Variants in SLC35G2 observed in about 807,000 individuals in gnomAD.
SLC35G2 encodes solute carrier family 35 member G2.
A neutral mutation model predicts 27.2 loss-of-function variants in SLC35G2; 20 were observed. That is an observed-to-expected ratio of 0.74 (90% CI 0.52 to 1.07). The LOEUF is 1.07. Ranked by LOEUF, SLC35G2 falls within the 50% of genes least tolerant of loss-of-function variation. The pLI, the probability that SLC35G2 is intolerant of heterozygous loss-of-function variation, is 0.00. For synonymous variants in SLC35G2, 148 were observed against 165.3 expected (o/e 0.90, Z 0.80); for missense variants, 416 against 493.3 (o/e 0.84, Z 1.48).
intron 1 of SLC35G2, among the ~76,000 whole-genome samples, chr3:136,840,516 TCCTCTCTCTCTCCCTCCCTC>T (rs1560014483): frequency 7.0e-6 from 1 of 143,408 alleles, no homozygotes; most frequent in Non-Finnish European, 1.5e-5. Flanking sequence ...CTCCCTCCCT[TCCTCTCTCTCTCCCTCCCTC>T]CCTCTCTCCC....
chr3:136,844,568 GCTGA>G (rs1425804934), intron 1 of SLC35G2, among the ~76,000 whole-genome samples: 1 of 151,624 alleles, frequency 6.6e-6, no homozygotes, highest in Non-Finnish European at 1.5e-5. Flanking sequence ...GGAGGCCCAG[GCTGA>G]CTGATTGCAT....
chr3:136,824,893 T>C (rs1241890332), intron 1 of SLC35G2, among the ~76,000 whole-genome samples: 1 of 152,140 alleles, frequency 6.6e-6, no homozygotes, highest in Non-Finnish European at 1.5e-5. Context: ...ATGTTATCCC[T>C]ACCCCAGCCC....
intron 1 of SLC35G2, chr3:136,837,878 C>T (rs973417793): frequency 6.7e-6 from 1 of 148,454 alleles, no homozygotes; most frequent in Non-Finnish European, 1.5e-5. Flanking sequence ...CTTGCTCTGT[C>T]ACCCAGGGCG....
intron 1 of SLC35G2, among the ~76,000 whole-genome samples, chr3:136,829,203 C>CA (rs1936662080): frequency 6.6e-6 from 1 of 151,868 alleles, no homozygotes; most frequent in Non-Finnish European, 1.5e-5. Flanking sequence ...TTACTATCAC[C>CA]AGTGAGTTTT....
Position 136,854,586 on chromosome 3 carries a change from T to C in SLC35G2, c.126T>C (p.Asn42=), listed in dbSNP as rs765031022. ...GCGATGATGGATATGAAGAAATCAATGAAGGCTATGGAAATTTTATGGAGG... is the reference window on the plus strand; with the variant it reads ...GCGATGATGGATATGAAGAAATCAACGAAGGCTATGGAAATTTTATGGAGG... ...QPGDDGYEEI[N]EGYGNFMEEN... is the part of the protein sequence containing the mutation. The change falls in exon 2 of 2, where the codon AAT becomes AAC. Residue 42 remains asparagine, a synonymous_variant. Transcript: ENST00000446465. 2 of 1,613,020 alleles carry C rather than the reference T, an allele frequency of 1.2e-6. No homozygotes were observed. Among genetic ancestry groups the C allele is most frequent in the South Asian group, 2.2e-5 (2 of 90,720 alleles).
chr3:136,840,063 C>T (rs1937021544), intron 1 of SLC35G2, among the ~76,000 whole-genome samples: 1 of 152,180 alleles, frequency 6.6e-6, no homozygotes, highest in Non-Finnish European at 1.5e-5. Flanking sequence ...CCAACATTGC[C>T]CACTCTGGAA....
rs1389651497 is a variant in SLC35G2 at position 136,855,126 on chromosome 3, C to T, written c.666C>T (p.Asp222=). 6.2e-7 allele frequency: 1 copy of T among 1,614,182 alleles called. No individual in the cohort carries two copies. Among genetic ancestry groups the T allele is most frequent in the Non-Finnish European group, 8.5e-7 (1 of 1,180,044 alleles). The change falls in exon 2 of 2, where the codon GAC becomes GAT. Residue 222 remains aspartate (D), a synonymous_variant. Coordinates refer to ENST00000446465, the MANE Select transcript of SLC35G2 (RefSeq NM_025246.3). ...TAGATGAGAAAATGGCTTATGTTGA[C>T]ATGGCTACAGTTGTTTGCAGCATCT... is the stretch of plus-strand genomic sequence containing the variant. The part of the protein sequence containing the change: ...LLVDEKMAYV[D]MATVVCSILG...
chr3:136,845,520 T>C (rs1937331850), intron 1 of SLC35G2, among the ~76,000 whole-genome samples: 1 of 152,198 alleles, frequency 6.6e-6, no homozygotes, highest in Non-Finnish European at 1.5e-5. Context: ...TTAGAATTGA[T>C]TGAGAATAGT....
chr3:136,851,357 C>T (rs1025914108), intron 1 of SLC35G2, among the ~76,000 whole-genome samples: 1 of 151,644 alleles, frequency 6.6e-6, no homozygotes, highest in African/African-American at 2.4e-5. Context: ...ATTAGCCGGG[C>T]GTGGTGGCGG....
At chr3:136,851,586 T>C (rs77776801) in intron 1 of SLC35G2, among the ~76,000 whole-genome samples, 1,911 of 147,570 alleles carry the variant, frequency 0.013, 69 homozygotes, top group East Asian at 0.12. Context: ...TTAGGGTATA[T>C]ATGGAGAATG....
intron 1 of SLC35G2, among the ~76,000 whole-genome samples, chr3:136,830,837 A>C (rs9832045): frequency 0.68 from 103,498 of 152,030 alleles, 35,511 homozygotes; most frequent in East Asian, 0.87. Context: ...AAGAGACTCT[A>C]ATGCATTCTT....
intron 1 of SLC35G2, among the ~76,000 whole-genome samples, chr3:136,825,939 C>A (rs575908541): frequency 2.0e-5 from 3 of 152,132 alleles, no homozygotes; most frequent in Admixed American, 6.6e-5. Flanking sequence ...AGTATTCTCT[C>A]CTCTATTTTT....
intron 1 of SLC35G2, among the ~76,000 whole-genome samples, chr3:136,846,888 G>A (rs368597203): frequency 3.3e-5 from 5 of 152,240 alleles, no homozygotes; most frequent in Admixed American, 6.5e-5. Context: ...TAAAATTTCC[G>A]GCTGGGCATG....
At chr3:136,833,525 G>A (rs551453418) in intron 1 of SLC35G2, among the ~76,000 whole-genome samples, 5 of 152,098 alleles carry the variant, frequency 3.3e-5, no homozygotes, top group Non-Finnish European at 1.5e-5. Flanking sequence ...GGAAGGAGTC[G>A]GCGGGTGGGG....
At chr3:136,841,401 A>G (rs1937090311) in intron 1 of SLC35G2, among the ~76,000 whole-genome samples, 1 of 152,132 alleles carries the variant, frequency 6.6e-6, no homozygotes, top group Non-Finnish European at 1.5e-5. Flanking sequence ...TGAGTCAGAT[A>G]TCAGTTCCCT....
intron 1 of SLC35G2, among the ~76,000 whole-genome samples, chr3:136,826,027 T>C (rs1017698655): frequency 8.7e-6 from 1 of 115,418 alleles, no homozygotes; most frequent in South Asian, 3.5e-4. Context: ...GGCTTTTCTT[T>C]TCTTTATTTT....
At chr3:136,826,001 C>T (rs1560009945) in intron 1 of SLC35G2, among the ~76,000 whole-genome samples, 3 of 151,162 alleles carry the variant, frequency 2.0e-5, no homozygotes, top group Non-Finnish European at 4.4e-5. Flanking sequence ...TGGTAGAATT[C>T]AGCCATCAGG....
rs1180444945 is a variant in SLC35G2, at chr3:136,854,811, T to C, written c.351T>C (p.Cys117=). The change falls in exon 2 of 2, where the codon TGT becomes TGC. Residue 117 remains cysteine (C), a synonymous_variant. Transcript: ENST00000446465. Reference sequence around the variant, plus strand: ...TTGGATCTGCTTTGGCTCATGGATGTGTAGCTCTTATCACTAGGCTTGTTT... The same window carrying C: ...TTGGATCTGCTTTGGCTCATGGATGCGTAGCTCTTATCACTAGGCTTGTTT... ...VLFGSALAHG[C]VALITRLVSD... 1 of 1,614,204 alleles carries C rather than the reference T, an allele frequency of 6.2e-7. No individual in the cohort carries two copies. The highest frequency in any genetic ancestry group is 1.1e-5 in the South Asian group (1 of 91,082).
intron 1 of SLC35G2, among the ~76,000 whole-genome samples, chr3:136,825,241 C>CT (rs71626025): frequency 0.66 from 89,317 of 135,086 alleles, 29,788 homozygotes; most frequent in East Asian, 0.85. Context: ...TCGTATATAA[C>CT]TTTTTTTTTT....
Sources: allele counts gnomAD v4.1 joint callset (sites outside exome capture counted in the v4.1 genomes callset), GRCh38; gene constraint gnomAD v4.1.1; transcripts MANE v1.5; gene names NCBI Gene and HGNC (gene_info 2026-07-23, HGNC 2026-07-21).